TMEM165: variants seen among roughly 807,000 people sequenced by gnomAD.
TMEM165 encodes transmembrane protein 165.
A neutral mutation model predicts 30.0 loss-of-function variants in TMEM165; 19 were observed. The observed-to-expected ratio is 0.63, with a 90% CI of 0.44 to 0.93. TMEM165 has a LOEUF of 0.93. TMEM165 is among the 40% of genes least tolerant of loss of function. The pLI is 0.00. For missense variants in TMEM165, 340 were observed against 417.0 expected, an observed-to-expected ratio of 0.82 and a Z score of 1.61; for synonymous variants, 168 against 162.9, an observed-to-expected ratio of 1.03 and a Z score of -0.24.
chr4:55,433,987 C>T (rs1722689905), intron 3 of TMEM165: 1 of 152,476 alleles, frequency 6.6e-6, no homozygotes, highest in South Asian at 2.1e-4. Flanking sequence ...TTTAGGATCA[C>T]ATTAATAACT....
downstream of TMEM165, chr4:55,430,448 T>TC (rs1486616535): frequency 6.6e-6 from 1 of 152,212 alleles, no homozygotes; most frequent in African/African-American, 2.4e-5. Context: ...ATTTTTAAAA[T>TC]CCAAGTTTGC....
At chr4:55,400,530 C>T (rs992896367) in intron 1 of TMEM165, among the ~76,000 whole-genome samples, 3 of 147,890 alleles carry the variant, frequency 2.0e-5, no homozygotes, top group Non-Finnish European at 3.0e-5. Context: ...GTCTGCCTTC[C>T]AGGCTCACGC....
At chr4:55,406,862 T>C (rs1342929223) in intron 1 of TMEM165, among the ~76,000 whole-genome samples, 1 of 151,926 alleles carries the variant, frequency 6.6e-6, no homozygotes, top group African/African-American at 2.4e-5. Flanking sequence ...GGGTCTCACT[T>C]TGTTGCCCAG....
Position 55,425,711 on chromosome 4 carries a change from G to A in TMEM165, c.*259G>A, listed in dbSNP as rs929481153. 2.4e-5 allele frequency: 8 copies of A among 329,548 alleles called. No individual in the cohort carries two copies. The highest frequency in any genetic ancestry group is 3.9e-5 in the Non-Finnish European group (7 of 181,088). 20.4% of individuals were successfully genotyped at this position (329,548 alleles called of 1,614,324 possible). The stretch of plus-strand genomic sequence containing the variant: ...TAATATGGTCCTCATTTTTCTTTTG[G>A]TGCAGAACCGTTGTGCAGTGGGGTC... On this transcript the variant is annotated 3_prime_UTR_variant, in exon 6 of 6. Transcript: ENST00000381334.
chr4:55,428,292 G>C (rs1483931192), downstream of TMEM165: 1 of 152,116 alleles, frequency 6.6e-6, no homozygotes, highest in African/African-American at 2.4e-5. Context: ...TCAAAGGATA[G>C]CTTTGAAAAA....
chr4:55,429,667 A>G (rs193270113), downstream of TMEM165: 4 of 152,384 alleles, frequency 2.6e-5, no homozygotes, highest in East Asian at 7.7e-4. Context: ...CAAATGGGCA[A>G]AATAGAGGCA....
Position 55,441,633 on chromosome 4 carries a change from G to GA in TMEM165, c.409-10602dup, listed in dbSNP as rs952690328. ...TTCTAAGTGAAGTAACTCAGGAATGGAAAACCAAACACCATATATTCTCAC... is the reference window on the plus strand; with the variant it reads ...TTCTAAGTGAAGTAACTCAGGAATGGAAAAACCAAACACCATATATTCTCAC... On this transcript the variant is annotated intron_variant, in intron 3 of 3. Transcript: ENST00000608091. Among the ~76,000 whole-genome samples, 7 of 152,292 alleles carry GA rather than the reference G, an allele frequency of 4.6e-5. No individual in the cohort carries two copies. The East Asian group carries it at 5.8e-4, about 13-fold the overall frequency.
chr4:55,436,787 A>C (rs1386450167), intron 3 of TMEM165, among the ~76,000 whole-genome samples: 1 of 152,146 alleles, frequency 6.6e-6, no homozygotes, highest in Non-Finnish European at 1.5e-5. Context: ...TAGGTATTAC[A>C]TAATTTAGAA....
intron 3 of TMEM165, among the ~76,000 whole-genome samples, chr4:55,436,229 A>G (rs1054495190): frequency 1.3e-5 from 2 of 152,344 alleles, no homozygotes; most frequent in East Asian, 3.9e-4. Flanking sequence ...ATATGAAGGC[A>G]AAGTTGCAGC....
chr4:55,417,696 T>C, intron 3 of TMEM165, 107 bp from the exon 4 acceptor site: 1 of 940,416 alleles, frequency 1.1e-6, no homozygotes, highest in Non-Finnish European at 1.6e-6. Context: ...TGTAGTTTTT[T>C]TGGAGCATAT....
chr4:55,402,388 C>T lies in TMEM165; in HGVS notation c.207+5992C>T, dbSNP rs1275549701. Among the ~76,000 whole-genome samples the T allele has an allele frequency of 4.3e-4, 12 of 27,900 alleles. 1 individual carries two copies. Among genetic ancestry groups the T allele is most frequent in the South Asian group, 2.9e-3 (1 of 342 alleles). The allele number at this position is 27,900 out of a possible 152,430, so 18.3% of individuals were successfully genotyped here. On this transcript the variant is annotated intron_variant, in intron 1 of 5. Coordinates refer to ENST00000381334, the MANE Select transcript of TMEM165 (RefSeq NM_018475.5). ...TGTGGTGTCATTGTTTAAGTGCGTG[C>T]GTGTGTGTGTGTGTGTATATATATA...
downstream of TMEM165, chr4:55,431,023 CTAAG>C (rs1289608917): frequency 2.6e-5 from 4 of 152,158 alleles, no homozygotes; most frequent in Non-Finnish European, 4.4e-5. Flanking sequence ...ATAATTTCAC[CTAAG>C]TAAGTGATGA....
chr4:55,448,684 C>A, intron 3 of TMEM165: 4 of 832,940 alleles, frequency 4.8e-6, no homozygotes, highest in Non-Finnish European at 5.7e-6. Flanking sequence ...GCTACAGGTG[C>A]TTGCCAGCAA....
intron 1 of TMEM165, among the ~76,000 whole-genome samples, chr4:55,400,212 T>C (rs1289015773): frequency 2.8e-4 from 7 of 24,888 alleles, no homozygotes; most frequent in Non-Finnish European, 4.0e-4. Context: ...AATTTATATT[T>C]ATATTATATA....
chr4:55,435,526 C>G (rs773452711), intron 3 of TMEM165: 1 of 1,614,010 alleles, frequency 6.2e-7, no homozygotes, highest in South Asian at 1.1e-5. Context: ...GGAAGGTGCT[C>G]TGTTGTAGAG....
downstream of TMEM165, chr4:55,429,551 G>A (rs941307453): frequency 4.6e-5 from 7 of 152,170 alleles, no homozygotes; most frequent in African/African-American, 1.7e-4. Context: ...GAAGTTTACA[G>A]CCTGTATACA....
chr4:55,419,627 G>T (rs1395422643), intron 4 of TMEM165, among the ~76,000 whole-genome samples: 1 of 152,180 alleles, frequency 6.6e-6, no homozygotes, highest in African/African-American at 2.4e-5. Context: ...GGAGACGGTT[G>T]TGGAATGGAA....
At chr4:55,401,936 A>G (rs1020924521) in intron 1 of TMEM165, among the ~76,000 whole-genome samples, 4 of 149,670 alleles carry the variant, frequency 2.7e-5, no homozygotes, top group Non-Finnish European at 5.9e-5. Context: ...GGCCAACATG[A>G]TGAAACCCCA....
Position 55,411,849 on chromosome 4 carries a change from C to A in TMEM165, c.433+10C>A, listed in dbSNP as rs754655314. The A allele has an allele frequency of 1.7e-5, 28 of 1,613,102 alleles. No homozygotes were observed. Among genetic ancestry groups the A allele is most frequent in the Non-Finnish European group, 2.4e-5 (28 of 1,179,122 alleles). ...ATGACATGCTTGTCAGGTGAGTGTG[C>A]TTTTCCCTCTCATGAGTTCGCTGAA... On this transcript the variant is annotated intron_variant, in intron 2 of 5. Transcript: ENST00000381334.
Sources: allele counts gnomAD v4.1 joint callset (sites outside exome capture counted in the v4.1 genomes callset), GRCh38; gene constraint gnomAD v4.1.1; transcripts MANE v1.5; gene names NCBI Gene and HGNC (gene_info 2026-07-23, HGNC 2026-07-21).